CCSER2: variants seen among roughly 807,000 people sequenced by gnomAD.
CCSER2 encodes serine-rich coiled-coil domain-containing protein 2.
Under a neutral mutation model 92.3 loss-of-function variants are expected in CCSER2, and 46 were observed. The observed-to-expected ratio is 0.50, with a 90% CI of 0.39 to 0.64. The LOEUF is 0.64. CCSER2 is among the 30% of genes least tolerant of loss of function. CCSER2 has a pLI of 0.00. For missense variants in CCSER2, 1,244 were observed against 1,238.9 expected (o/e 1.00, Z -0.06); for synonymous variants, 433 against 431.4 (o/e 1.00, Z -0.04).
At chr10:84,426,325 G>T (rs1385501009) in intron 5 of CCSER2, among the ~76,000 whole-genome samples, 1 of 152,174 alleles carries the variant, frequency 6.6e-6, no homozygotes, top group African/African-American at 2.4e-5. Flanking sequence ...ACTGTTTAGT[G>T]CTGAAGGTAC....
At chr10:84,498,203 C>A (rs781026892) in intron 9 of CCSER2, among the ~76,000 whole-genome samples, 134 of 152,136 alleles carry the variant, frequency 8.8e-4, no homozygotes, top group Admixed American at 1.7e-3. Context: ...TTCTGCAAAA[C>A]GCATAGGGAG....
intron 1 of CCSER2, among the ~76,000 whole-genome samples, chr10:84,347,701 G>T (rs917677971): frequency 6.6e-6 from 1 of 151,532 alleles, no homozygotes; most frequent in Admixed American, 6.6e-5. Context: ...CTTCTCAGAC[G>T]GGGCGGCTGC....
At chr10:84,426,986 G>A (rs566279797) in intron 5 of CCSER2, among the ~76,000 whole-genome samples, 1 of 152,278 alleles carries the variant, frequency 6.6e-6, no homozygotes, top group Admixed American at 6.5e-5. Flanking sequence ...TTTTTTAAAT[G>A]GTGGACTCAA....
At chr10:84,432,960 A>G (rs1015182718) in intron 5 of CCSER2, among the ~76,000 whole-genome samples, 12 of 152,264 alleles carry the variant, frequency 7.9e-5, no homozygotes, top group African/African-American at 2.6e-4. Flanking sequence ...TGTTGAAAAG[A>G]CTATCTTTTA....
intron 3 of CCSER2, among the ~76,000 whole-genome samples, chr10:84,393,152 C>T (rs10509494): frequency 0.077 from 11,737 of 152,144 alleles, 513 homozygotes; most frequent in Middle Eastern, 0.12. Context: ...TAGTTTACAG[C>T]TAGTCCTTGA....
intron 1 of CCSER2, among the ~76,000 whole-genome samples, chr10:84,343,713 A>G (rs773989526): frequency 3.3e-5 from 5 of 152,230 alleles, no homozygotes; most frequent in Non-Finnish European, 5.9e-5. Flanking sequence ...GGAAAAGGCA[A>G]GAAAAGTTGT....
At chr10:84,413,525 G>T (rs1272986893) in intron 3 of CCSER2, among the ~76,000 whole-genome samples, 1 of 152,120 alleles carries the variant, frequency 6.6e-6, no homozygotes, top group Non-Finnish European at 1.5e-5. Context: ...TATGATTTCA[G>T]TTCTTTTGCA....
chr10:84,404,910 A>G (rs549773661), intron 3 of CCSER2, among the ~76,000 whole-genome samples: 2 of 152,344 alleles, frequency 1.3e-5, no homozygotes, highest in South Asian at 4.1e-4. Flanking sequence ...TATGACCTAC[A>G]TAAATACATA....
chr10:84,440,337 T>G (rs986889648), intron 6 of CCSER2, among the ~76,000 whole-genome samples: 3 of 152,196 alleles, frequency 2.0e-5, no homozygotes, highest in African/African-American at 7.2e-5. Context: ...GTAGGTCATC[T>G]TTAAAGTTTC....
intron 6 of CCSER2, chr10:84,455,737 C>A: frequency 1.0e-6 from 1 of 963,146 alleles, no homozygotes. Flanking sequence ...CTGTAAAATG[C>A]ACCTGCACAT....
chr10:84,411,730 G>A (rs937195308), intron 3 of CCSER2, among the ~76,000 whole-genome samples: 5 of 152,122 alleles, frequency 3.3e-5, no homozygotes, highest in African/African-American at 9.7e-5. Flanking sequence ...GGGTTTTCTA[G>A]ATATAGAATT....
At chr10:84,391,466 T>A in intron 3 of CCSER2, 2 of 1,566,416 alleles carry the variant, frequency 1.3e-6, no homozygotes, top group Non-Finnish European at 1.8e-6. Context: ...CACAAAAGCT[T>A]GCTTTCAGCA....
intron 8 of CCSER2, among the ~76,000 whole-genome samples, chr10:84,477,308 T>C (rs974435793): frequency 5.3e-5 from 8 of 152,192 alleles, no homozygotes; most frequent in Non-Finnish European, 1.0e-4. Context: ...GACCACTGAA[T>C]AGACCTTATT....
chr10:84,404,738 A>G (rs765423012), intron 3 of CCSER2, among the ~76,000 whole-genome samples: 16 of 152,250 alleles, frequency 1.1e-4, no homozygotes, highest in Non-Finnish European at 2.1e-4. Flanking sequence ...AATGCACACA[A>G]TTCTTGTTTC....
Position 84,373,762 on chromosome 10 carries a change from A to C in CCSER2, c.1561A>C (p.Ile521Leu). Residue 521 changes from isoleucine (I) to leucine (L), a missense_variant, in exon 3 of 10, where the codon ATT (isoleucine) becomes CTT (leucine). Coordinates refer to ENST00000372088, the MANE Select transcript of CCSER2 (RefSeq NM_001284240.2). ...GTGGGATGAAGAAGGCTTGGAACCC[A>C]TTGGAAATGTCCATCCAGTTGGGAG... is the stretch of plus-strand genomic sequence containing the variant. ...YMWDEEGLEPIGNVHPVGSYE... is the reference protein window; with the variant it reads ...YMWDEEGLEPLGNVHPVGSYE... 1.2e-6 allele frequency: 2 copies of C among 1,613,806 alleles called. No homozygotes were observed. The highest frequency in any genetic ancestry group is 2.7e-5 in the African/African-American group (2 of 75,046).
chr10:84,402,222 C>T (rs538585963), intron 3 of CCSER2, among the ~76,000 whole-genome samples: 4 of 152,118 alleles, frequency 2.6e-5, no homozygotes, highest in East Asian at 1.9e-4. Flanking sequence ...TGCCCTGAAG[C>T]GATCCATGCA....
intron 3 of CCSER2, among the ~76,000 whole-genome samples, chr10:84,412,982 G>C (rs1296712848): frequency 1.3e-5 from 2 of 152,188 alleles, no homozygotes; most frequent in African/African-American, 4.8e-5. Context: ...TGTGGGGTCA[G>C]TGGTGATATT....
chr10:84,403,548 G>A (rs1186691039), intron 3 of CCSER2, among the ~76,000 whole-genome samples: 8 of 152,230 alleles, frequency 5.3e-5, no homozygotes, highest in South Asian at 4.1e-4. Context: ...CAAAGTTCTC[G>A]TGTCCAAAAT....
At chr10:84,383,344 T>A (rs1244928942) in intron 3 of CCSER2, among the ~76,000 whole-genome samples, 1 of 152,154 alleles carries the variant, frequency 6.6e-6, no homozygotes, top group Non-Finnish European at 1.5e-5. Flanking sequence ...GGCGTCTCCC[T>A]CTGTCTCCCA....
Sources: allele counts gnomAD v4.1 joint callset (sites outside exome capture counted in the v4.1 genomes callset), GRCh38; gene constraint gnomAD v4.1.1; transcripts MANE v1.5; gene names NCBI Gene and HGNC (gene_info 2026-07-23, HGNC 2026-07-21).